The following PCDHGA11 variants were observed in gnomAD, a reference collection of about 807,000 sequenced individuals.
PCDHGA11 encodes the protein protocadherin gamma-A11.
PCDHGA11 carries 39 observed loss-of-function variants against 60.4 expected under a neutral mutation model. That is an observed-to-expected ratio of 0.65 (90% CI 0.50 to 0.84). The LOEUF is 0.84. Ranked by LOEUF, PCDHGA11 falls within the 40% of genes least tolerant of loss-of-function variation. The pLI is 0.00. For missense variants in PCDHGA11, 1,165 were observed against 1,197.7 expected (o/e 0.97, Z 0.40); for synonymous variants, 533 against 510.3 (o/e 1.04, Z -0.60).
At position 141,476,151 on chromosome 5, in the gene PCDHGA11, G is replaced by A; in HGVS notation, c.2434-18656G>A. Reference sequence around the variant, plus strand: ...GAGGCCTGGAGGAGCGGACTGGTAAGCACCGGGAGGGTAGTGGGAGTTTTG... The same window carrying A: ...GAGGCCTGGAGGAGCGGACTGGTAAACACCGGGAGGGTAGTGGGAGTTTTG... On this transcript the variant is annotated intron_variant, in intron 1 of 3. Transcript: ENST00000398587. This position sits in a 1 kb window ranked among gnomAD's most constrained non-coding sequence, Gnocchi z 7.6. 1 of 1,612,022 alleles carries A rather than the reference G, an allele frequency of 6.2e-7. No individual in the cohort carries two copies. Among genetic ancestry groups the A allele is most frequent in the Admixed American group, 1.7e-5 (1 of 60,014 alleles).
rs748462670 is a variant in PCDHGA11, at chr5:141,478,010, C to T, written c.2434-16797C>T. Reference sequence around the variant, plus strand: ...GCACACTGGTCAAATCAGTACTGCCCGTCCAGTCCAAGACACAGATTCACC... The same window carrying T: ...GCACACTGGTCAAATCAGTACTGCCTGTCCAGTCCAAGACACAGATTCACC... On this transcript the variant is annotated intron_variant, in intron 1 of 3. Coordinates refer to ENST00000398587, the MANE Select transcript of PCDHGA11 (RefSeq NM_018914.3). 9 of 1,614,008 alleles carry T rather than the reference C, an allele frequency of 5.6e-6. No homozygotes were observed. The highest frequency in any genetic ancestry group is 1.7e-5 in the Admixed American group (1 of 59,998).
rs1424346887 is a variant in PCDHGA11, at chr5:141,489,602, T to C, written c.2434-5205T>C. ...CCCCTGGAGCTAATCCGTGTAGAGG[T>C]AGAGATCCTGGATCTCAATGACAAC... On this transcript the variant is annotated intron_variant, in intron 1 of 3. Coordinates refer to ENST00000398587, the MANE Select transcript of PCDHGA11 (RefSeq NM_018914.3). The surrounding 1 kb of genome is among the most constrained non-coding windows in gnomAD (Gnocchi z 4.5). The C allele has an allele frequency of 5.6e-6, 9 of 1,613,754 alleles. No homozygotes were observed. In the African/African-American group the frequency reaches 6.7e-5, roughly 12 times the overall value.
At chr5:141,427,812 G>A (rs1380721111) in intron 1 of PCDHGA11, 1 of 1,524,286 alleles carries the variant, frequency 6.6e-7, no homozygotes, top group African/African-American at 1.4e-5. Context: ...CGCACAGAGC[G>A]GGGTGGTGGT....
At chr5:141,444,255 T>G (rs764607115) in intron 1 of PCDHGA11, among the ~76,000 whole-genome samples, 8 of 130,834 alleles carry the variant, frequency 6.1e-5, no homozygotes, top group Non-Finnish European at 1.2e-4. Context: ...CACTGCAACC[T>G]CCGCCTCCCA....
At chr5:141,464,443 T>G (rs903733972) in intron 1 of PCDHGA11, among the ~76,000 whole-genome samples, 1 of 151,634 alleles carries the variant, frequency 6.6e-6, no homozygotes, top group African/African-American at 2.4e-5. Context: ...ATGTTTGTTG[T>G]TGTTGTTGTT....
At chr5:141,433,400 TATCTATTA>T (rs1426636766) in intron 1 of PCDHGA11, among the ~76,000 whole-genome samples, 16 of 151,506 alleles carry the variant, frequency 1.1e-4, no homozygotes, top group African/African-American at 3.4e-4. Context: ...TCTATCTATC[TATCTATTA>T]CTTTCTTGTA....
chr5:141,510,272 TAAAA>T (rs546154379), intron 3 of PCDHGA11, among the ~76,000 whole-genome samples: 1 of 130,390 alleles, frequency 7.7e-6, no homozygotes, highest in East Asian at 2.2e-4. Context: ...GACTCCATCT[TAAAA>T]AAAAAAAAAA....
In PCDHGA11 at chr5:141,421,951, A is replaced by G; in HGVS notation, c.724A>G (p.Met242Val). 1 of 1,612,854 alleles carries G rather than the reference A, an allele frequency of 6.2e-7. No homozygotes were observed. Among genetic ancestry groups the G allele is most frequent in the Non-Finnish European group, 8.5e-7 (1 of 1,179,434 alleles). The change falls in exon 1 of 4, where the codon ATG becomes GTG. Residue 242 changes from methionine (M) to valine (V), a missense_variant. Coordinates refer to ENST00000398587, the MANE Select transcript of PCDHGA11 (RefSeq NM_018914.3). Reference protein sequence around the residue: ...VVLDVNDHIPMFTQSVYRVSV... With the variant: ...VVLDVNDHIPVFTQSVYRVSV... ...CCTCGATGTAAATGATCACATCCCA[A>G]TGTTTACACAGTCCGTATATCGCGT...
chr5:141,458,619 G>T (rs1393941674), intron 1 of PCDHGA11, among the ~76,000 whole-genome samples: 1 of 152,080 alleles, frequency 6.6e-6, no homozygotes, highest in South Asian at 2.1e-4. Context: ...AGCCAGGCTG[G>T]AGTGCAGTGG....
Position 141,421,797 on chromosome 5 carries a change from C to T in PCDHGA11, c.570C>T (p.Ala190=). 6.2e-7 allele frequency: 1 copy of T among 1,613,744 alleles called. No individual in the cohort carries two copies. The highest frequency in any genetic ancestry group is 8.5e-7 in the Non-Finnish European group (1 of 1,179,872). The part of the protein sequence containing the change: ...SLQLRGRTDG[A]KNPELVLEGS... ...AACTGCGGGGCAGAACGGATGGGGC[C>T]AAGAATCCAGAGCTAGTACTGGAGG... is the stretch of plus-strand genomic sequence containing the variant. Residue 190 remains alanine, a synonymous_variant, in exon 1 of 4, where the codon GCC becomes GCT. Transcript: ENST00000398587.
Position 141,431,996 on chromosome 5 carries a change from G to A in PCDHGA11, c.2433+8336G>A, listed in dbSNP as rs766891220. ...AGTCACAGACATAGTCTTGGATAGGGAACAGGTTCCTAGCTACAACATCAC... is the reference window on the plus strand; with the variant it reads ...AGTCACAGACATAGTCTTGGATAGGAAACAGGTTCCTAGCTACAACATCAC... On this transcript the variant is annotated intron_variant, in intron 1 of 3. Transcript: ENST00000398587. The surrounding 1 kb of genome is among the most constrained non-coding windows in gnomAD (Gnocchi z 4.8). 1.9e-6 allele frequency: 3 copies of A among 1,614,192 alleles called. No homozygotes were observed. In the East Asian group the frequency reaches 6.7e-5, roughly 36 times the overall value.
chr5:141,489,483 T>G lies in PCDHGA11; in HGVS notation c.2434-5324T>G. 1.9e-6 allele frequency: 3 copies of G among 1,613,980 alleles called. No individual in the cohort carries two copies. The highest frequency in any genetic ancestry group is 2.5e-6 in the Non-Finnish European group (3 of 1,180,008). ...GCTATTTTTCCCTGAGCTTGATGAG[T>G]GGTGCCCTGGCAGTGAATCAAAAGA... On this transcript the variant is annotated intron_variant, in intron 1 of 3. Coordinates refer to ENST00000398587, the MANE Select transcript of PCDHGA11 (RefSeq NM_018914.3). This position sits in a 1 kb window ranked among gnomAD's most constrained non-coding sequence, Gnocchi z 4.5.
intron 1 of PCDHGA11, among the ~76,000 whole-genome samples, chr5:141,458,339 T>A (rs1380637284): frequency 2.0e-5 from 3 of 150,846 alleles, no homozygotes; most frequent in Non-Finnish European, 3.0e-5. Context: ...TTTTAAGGAG[T>A]GGAGAGTTTA....
intron 1 of PCDHGA11, among the ~76,000 whole-genome samples, chr5:141,488,238 C>T (rs374846692): frequency 5.3e-5 from 8 of 152,036 alleles, no homozygotes; most frequent in Non-Finnish European, 1.0e-4. Flanking sequence ...GAACTAGATG[C>T]GGTAAATTGG....
At chr5:141,467,901 C>T (rs1484485803) in intron 1 of PCDHGA11, among the ~76,000 whole-genome samples, 7 of 152,034 alleles carry the variant, frequency 4.6e-5, no homozygotes, top group Admixed American at 1.3e-4. Flanking sequence ...TCAAGAAATC[C>T]GCCCACCTCA....
intron 1 of PCDHGA11, among the ~76,000 whole-genome samples, chr5:141,448,434 GA>G (rs1297090877): frequency 1.3e-5 from 2 of 152,050 alleles, no homozygotes; most frequent in South Asian, 4.2e-4. Flanking sequence ...TATATATTGA[GA>G]AGTCTGACTT....
intron 2 of PCDHGA11, among the ~76,000 whole-genome samples, chr5:141,505,180 A>G (rs1435197883): frequency 6.6e-6 from 1 of 152,200 alleles, no homozygotes; most frequent in Non-Finnish European, 1.5e-5. Context: ...AGAAAAAAGC[A>G]TCGGAGGCAG....
chr5:141,427,491 G>A (rs1158414276), intron 1 of PCDHGA11: 1 of 553,626 alleles, frequency 1.8e-6, no homozygotes, highest in Non-Finnish European at 3.4e-6. Context: ...CTATAAGCTT[G>A]TAACAGATGG....
At chr5:141,488,062 T>C (rs1488970442) in intron 1 of PCDHGA11, among the ~76,000 whole-genome samples, 1 of 152,152 alleles carries the variant, frequency 6.6e-6, no homozygotes, top group Non-Finnish European at 1.5e-5. Flanking sequence ...AAATAAAATC[T>C]TTGTCTCCCA....
Sources: allele counts gnomAD v4.1 joint callset (sites outside exome capture counted in the v4.1 genomes callset), GRCh38; gene constraint gnomAD v4.1.1; non-coding constraint Gnocchi (gnomAD v3.1); transcripts MANE v1.5; gene names NCBI Gene and HGNC (gene_info 2026-07-23, HGNC 2026-07-21).